MIPOL1: variants seen among roughly 807,000 people sequenced by gnomAD.
MIPOL1 encodes the protein mirror-image polydactyly gene 1 protein.
A neutral mutation model predicts 60.9 loss-of-function variants in MIPOL1; 57 were observed. That is an observed-to-expected ratio of 0.94 (90% CI 0.76 to 1.17). The LOEUF is 1.17. MIPOL1 is among the 50% of genes most tolerant of loss of function. MIPOL1 has a pLI of 0.00. For synonymous variants in MIPOL1, 179 were observed against 168.8 expected (o/e 1.06, Z -0.47); for missense variants, 551 against 511.6 (o/e 1.08, Z -0.74).
At chr14:37,439,435 C>T (rs1290120662) in intron 11 of MIPOL1, among the ~76,000 whole-genome samples, 1 of 152,072 alleles carries the variant, frequency 6.6e-6, no homozygotes, top group Non-Finnish European at 1.5e-5. Flanking sequence ...AGTTTTTATT[C>T]TGTGTTTCCT....
In MIPOL1 at chr14:37,522,680, A is replaced by G. The variant is rs113557092; in HGVS notation, c.1262+22542A>G. 8.5e-3 allele frequency among the ~76,000 whole-genome samples: 1,291 copies of G among 152,290 alleles called. 20 individuals are homozygous for G. The highest frequency in any genetic ancestry group is 0.028 in the African/African-American group (1,185 of 41,582). On this transcript the variant is annotated intron_variant, in intron 12 of 12. Transcript: ENST00000684589. ...ACTGTGAATGAACACATGAATCCAA[A>G]AAAAGTATGTTGTGATTATATTGAC...
intron 10 of MIPOL1, among the ~76,000 whole-genome samples, chr14:37,371,189 G>A (rs866202806): frequency 1.3e-5 from 2 of 149,736 alleles, no homozygotes; most frequent in South Asian, 4.3e-4. Context: ...GTGTGATCTC[G>A]GCTCACTTCA....
At chr14:37,371,422 T>A (rs2092635633) in intron 10 of MIPOL1, among the ~76,000 whole-genome samples, 1 of 152,194 alleles carries the variant, frequency 6.6e-6, no homozygotes, top group Non-Finnish European at 1.5e-5. Context: ...TAAAACAATG[T>A]AGCTATATTT....
At chr14:37,382,385 A>G (rs2092948340) in intron 10 of MIPOL1, among the ~76,000 whole-genome samples, 1 of 152,058 alleles carries the variant, frequency 6.6e-6, no homozygotes, top group Non-Finnish European at 1.5e-5. Context: ...ACTATTGTCA[A>G]ATGCAATTAA....
At chr14:37,407,610 A>C (rs2093609330) in intron 10 of MIPOL1, among the ~76,000 whole-genome samples, 1 of 152,118 alleles carries the variant, frequency 6.6e-6, no homozygotes, top group Non-Finnish European at 1.5e-5. Context: ...TTTAGTGATT[A>C]AACTGCTTTA....
chr14:37,211,140 G>A (rs1299712009), intron 1 of MIPOL1, among the ~76,000 whole-genome samples: 1 of 152,164 alleles, frequency 6.6e-6, no homozygotes, highest in Non-Finnish European at 1.5e-5. Context: ...AAGCATAGGA[G>A]ATGAGGAGGC....
chr14:37,239,128 C>G (rs986662530), intron 1 of MIPOL1, among the ~76,000 whole-genome samples: 2 of 147,572 alleles, frequency 1.4e-5, no homozygotes, highest in Non-Finnish European at 3.0e-5. Context: ...TCACTGCAAA[C>G]TCTGCCTCCC....
intron 7 of MIPOL1, among the ~76,000 whole-genome samples, chr14:37,298,582 A>G (rs1231328733): frequency 6.6e-6 from 1 of 152,190 alleles, no homozygotes; most frequent in Non-Finnish European, 1.5e-5. Context: ...CAGAATCTAC[A>G]ATGAACTCAA....
chr14:37,334,135 C>A (rs1420624850), intron 9 of MIPOL1, among the ~76,000 whole-genome samples: 3 of 151,966 alleles, frequency 2.0e-5, no homozygotes, highest in Non-Finnish European at 4.4e-5. Flanking sequence ...GAATAATATA[C>A]ACAGCTTCAT....
At chr14:37,515,446 G>C (rs949068023) in intron 12 of MIPOL1, among the ~76,000 whole-genome samples, 1 of 151,768 alleles carries the variant, frequency 6.6e-6, no homozygotes, top group Admixed American at 6.6e-5. Flanking sequence ...AGTTGCTTTG[G>C]CATTTATACA....
In MIPOL1 at chr14:37,328,249, G is replaced by A. The variant is rs111667180; in HGVS notation, c.828+19730G>A. Among the ~76,000 whole-genome samples, 344 of 151,838 alleles carry A rather than the reference G, an allele frequency of 2.3e-3. 2 individuals are homozygous for A. Among genetic ancestry groups the A allele is most frequent in the African/African-American group, 7.8e-3 (322 of 41,416 alleles). ...AGGCTGGTCTTGAACTCCTGACCTC[G>A]GGCAATCCATCCGCCTCAGCCTCTC... On this transcript the variant is annotated intron_variant, in intron 9 of 12. Coordinates refer to ENST00000684589, the MANE Select transcript of MIPOL1 (RefSeq NM_001388067.1).
At chr14:37,253,887 C>T (rs550391504) in intron 3 of MIPOL1, among the ~76,000 whole-genome samples, 1 of 151,822 alleles carries the variant, frequency 6.6e-6, no homozygotes, top group Non-Finnish European at 1.5e-5. Flanking sequence ...AGTGGCATCA[C>T]AGAGTATTTT....
At chr14:37,536,133 A>G (rs573822785) in intron 12 of MIPOL1, among the ~76,000 whole-genome samples, 1 of 152,304 alleles carries the variant, frequency 6.6e-6, no homozygotes, top group South Asian at 2.1e-4. Flanking sequence ...ATTAATTTTG[A>G]AGTTATAGGA....
intron 11 of MIPOL1, among the ~76,000 whole-genome samples, chr14:37,454,566 T>C (rs1428233596): frequency 1.3e-5 from 2 of 152,216 alleles, no homozygotes; most frequent in Non-Finnish European, 2.9e-5. Context: ...GCCCAAGTTT[T>C]TACTACAAAT....
intron 11 of MIPOL1, among the ~76,000 whole-genome samples, chr14:37,443,591 CATA>C (rs1441065080): frequency 6.7e-6 from 1 of 149,812 alleles, no homozygotes; most frequent in Non-Finnish European, 1.5e-5. Flanking sequence ...ATAAGAAAGA[CATA>C]ATAACAGTCT....
chr14:37,524,361 G>A (rs1243592215), intron 12 of MIPOL1, among the ~76,000 whole-genome samples: 1 of 152,076 alleles, frequency 6.6e-6, no homozygotes, highest in Admixed American at 6.5e-5. Context: ...GAAAGATACA[G>A]GGTGTTGAGG....
At chr14:37,220,896 C>T (rs1968631875) in intron 1 of MIPOL1, among the ~76,000 whole-genome samples, 2 of 152,132 alleles carry the variant, frequency 1.3e-5, no homozygotes, top group African/African-American at 4.8e-5. Context: ...CCACCTCAGC[C>T]TCCTCAGTAG....
At chr14:37,446,938 T>G (rs1350475122) in intron 11 of MIPOL1, among the ~76,000 whole-genome samples, 38 of 134,408 alleles carry the variant, frequency 2.8e-4, no homozygotes, top group South Asian at 4.7e-4. Flanking sequence ...GTGGGGGGAG[T>G]GGGGAGGGAT....
At chr14:37,209,382 G>A (rs1566993190) in intron 1 of MIPOL1, among the ~76,000 whole-genome samples, 1 of 152,058 alleles carries the variant, frequency 6.6e-6, no homozygotes, top group Non-Finnish European at 1.5e-5. Context: ...CATAAGGCTG[G>A]GCATGGTGGC....
Sources: allele counts gnomAD v4.1 joint callset (sites outside exome capture counted in the v4.1 genomes callset), GRCh38; gene constraint gnomAD v4.1.1; transcripts MANE v1.5; gene names NCBI Gene and HGNC (gene_info 2026-07-23, HGNC 2026-07-21).